The following ADAMTS17 variants were observed in gnomAD, a reference collection of about 807,000 sequenced individuals.
ADAMTS17 encodes A disintegrin and metalloproteinase with thrombospondin motifs 17.
In ADAMTS17, 113 loss-of-function variants were observed where a neutral mutation model predicts 141.5. The ratio of observed to expected loss-of-function variants is 0.80; its 90% CI spans 0.69 to 0.93. The LOEUF is 0.93. Among genes scored for constraint, ADAMTS17 ranks in the 40% least tolerant of loss-of-function variants. The pLI is 0.00. For missense variants in ADAMTS17, 1,659 were observed against 1,517.9 expected, an observed-to-expected ratio of 1.09 and a Z score of -1.54; for synonymous variants, 768 against 630.6, an observed-to-expected ratio of 1.22 and a Z score of -3.27.
chr15:99,985,832 A>G lies in ADAMTS17; in HGVS notation c.2949+7216T>C, dbSNP rs566108296. Among the ~76,000 whole-genome samples the G allele has an allele frequency of 2.0e-5, 3 of 152,324 alleles. No homozygotes were observed. The East Asian group carries it at 5.8e-4, about 29-fold the overall frequency. On this transcript the variant is annotated intron_variant, in intron 20 of 21. Coordinates refer to ENST00000268070, the MANE Select transcript of ADAMTS17 (RefSeq NM_139057.4). ...CTTTGTAAATTCTAAAGCAACGGCA[A>G]ATGTCACGGGCCAATATCACTGATC...
At chr15:100,334,680 C>T (rs117116642) in intron 2 of ADAMTS17, among the ~76,000 whole-genome samples, 3,528 of 152,306 alleles carry the variant, frequency 0.023, 62 homozygotes, top group Admixed American at 0.054. Context: ...AACCTGCACC[C>T]CTTCTGAGGC....
At chr15:100,278,205 A>G (rs2044162757) in intron 4 of ADAMTS17, among the ~76,000 whole-genome samples, 1 of 152,084 alleles carries the variant, frequency 6.6e-6, no homozygotes, top group East Asian at 1.9e-4. Flanking sequence ...ACAGTGAAAA[A>G]GTTCTGGAGG....
chr15:100,237,583 G>C (rs374914048), intron 7 of ADAMTS17, among the ~76,000 whole-genome samples: 1 of 152,214 alleles, frequency 6.6e-6, no homozygotes, highest in African/African-American at 2.4e-5. Context: ...AGACACTGCT[G>C]TCTCAATACA....
chr15:100,303,574 A>G (rs2045118032), intron 3 of ADAMTS17, among the ~76,000 whole-genome samples: 1 of 152,082 alleles, frequency 6.6e-6, no homozygotes, highest in Non-Finnish European at 1.5e-5. Flanking sequence ...GTTTGCTTCT[A>G]AGACTCTGAT....
At position 100,132,042 on chromosome 15, in the gene ADAMTS17, T is replaced by A. The variant is rs1018778966; in HGVS notation, c.1686A>T (p.Gly562=). 3 of 1,613,880 alleles carry A rather than the reference T, an allele frequency of 1.9e-6. No homozygotes were observed. Among genetic ancestry groups the A allele is most frequent in the Non-Finnish European group, 1.7e-6 (2 of 1,179,806 alleles). The change falls in exon 12 of 22, where the codon GGA becomes GGT. Residue 562 remains glycine (G), a synonymous_variant. Transcript: ENST00000268070. ...WSMCSRTCGT[G]ARFRQRKCDN... is the part of the protein sequence containing the mutation. ...CACATTTCCTCTGCCTGAAGCGGGC[T>A]CCCGTCCCACATGTTCGGCTGCACA...
In ADAMTS17 at chr15:100,103,655, T is replaced by A. The variant is rs543093271; in HGVS notation, c.2016+5334A>T. Among the ~76,000 whole-genome samples the A allele has an allele frequency of 4.6e-5, 7 of 152,242 alleles. No individual in the cohort carries two copies. In the South Asian group the frequency reaches 1.5e-3, roughly 32 times the overall value. On this transcript the variant is annotated intron_variant, in intron 14 of 21. Transcript: ENST00000268070. ...GTGCACTGGTGCGATCTTGGCTCAC[T>A]GCAACCTCCACTGCCCGGGTTCAAG...
chr15:100,320,868 C>G (rs1392274327), intron 3 of ADAMTS17, among the ~76,000 whole-genome samples: 1 of 152,094 alleles, frequency 6.6e-6, no homozygotes, highest in African/African-American at 2.4e-5. Context: ...AAAATAAAGA[C>G]AGTTTGGACA....
intron 18 of ADAMTS17, among the ~76,000 whole-genome samples, chr15:100,022,962 C>A (rs1414770967): frequency 2.7e-5 from 4 of 147,492 alleles, no homozygotes; most frequent in Non-Finnish European, 5.9e-5. Flanking sequence ...GATCTGTTTT[C>A]ACCGGAGCAC....
At chr15:100,220,428 G>T (rs1018870099) in intron 7 of ADAMTS17, among the ~76,000 whole-genome samples, 1 of 152,164 alleles carries the variant, frequency 6.6e-6, no homozygotes. Flanking sequence ...AGAAATAACA[G>T]TAACATGATC....
chr15:100,051,994 C>G (rs995953696), intron 16 of ADAMTS17, among the ~76,000 whole-genome samples: 1 of 152,206 alleles, frequency 6.6e-6, no homozygotes, highest in Non-Finnish European at 1.5e-5. Flanking sequence ...CCAGCTTAGA[C>G]TAGGAGCTTT....
At chr15:100,096,856 T>C (rs2035792603) in intron 14 of ADAMTS17, among the ~76,000 whole-genome samples, 3 of 152,322 alleles carry the variant, frequency 2.0e-5, no homozygotes, top group Admixed American at 1.3e-4. Context: ...CAATTTCTCA[T>C]GATGGGGGTT....
At chr15:100,064,853 T>C (rs2033399800) in intron 15 of ADAMTS17, among the ~76,000 whole-genome samples, 1 of 152,178 alleles carries the variant, frequency 6.6e-6, no homozygotes, top group African/African-American at 2.4e-5. Flanking sequence ...TAATTTTGGT[T>C]TGATTTTTAT....
intron 12 of ADAMTS17, among the ~76,000 whole-genome samples, chr15:100,121,642 C>T (rs943931917): frequency 2.6e-5 from 4 of 151,902 alleles, no homozygotes; most frequent in Admixed American, 1.3e-4. Flanking sequence ...CCCAGATAAA[C>T]AAAAAATGGA....
intron 19 of ADAMTS17, among the ~76,000 whole-genome samples, chr15:99,995,141 G>GGCACT (rs1166216132): frequency 1.3e-5 from 2 of 152,280 alleles, no homozygotes; most frequent in East Asian, 1.9e-4. Context: ...GGAGGCCCGG[G>GGCACT]GCACTGCACT....
In ADAMTS17 at chr15:99,973,937, C is replaced by T. The variant is rs886050967; in HGVS notation, c.*465G>A. The T allele has an allele frequency of 4.6e-5, 11 of 241,312 alleles. No individual in the cohort carries two copies. In the East Asian group the frequency reaches 1.1e-3, roughly 24 times the overall value. The allele number at this position is 241,312 out of a possible 1,614,324, so 14.9% of individuals were successfully genotyped here. Reference sequence around the variant, plus strand: ...AGCCCGGCCCTCCCCAGAGAAGCCACGGGCAGAGGCTCACCAACACCTGCC... The same window carrying T: ...AGCCCGGCCCTCCCCAGAGAAGCCATGGGCAGAGGCTCACCAACACCTGCC... On this transcript the variant is annotated 3_prime_UTR_variant, in exon 22 of 22. Transcript: ENST00000268070.
At chr15:99,983,666 C>T (rs111834911) in intron 20 of ADAMTS17, among the ~76,000 whole-genome samples, 5 of 152,260 alleles carry the variant, frequency 3.3e-5, no homozygotes, top group African/African-American at 1.2e-4. Context: ...GGCAGGGCTG[C>T]CCCCCACTGT....
rs904518858 is a variant in ADAMTS17 at position 100,281,552 on chromosome 15, T to A, written c.617-151A>T. 20 of 1,070,972 alleles carry A rather than the reference T, an allele frequency of 1.9e-5. No individual in the cohort carries two copies. In the African/African-American group the frequency reaches 2.8e-4, roughly 15 times the overall value. 66.3% of individuals were successfully genotyped at this position (1,070,972 alleles called of 1,614,324 possible). A position where few individuals can be genotyped will look rare whatever the true frequency, so the allele number is the denominator to read the frequency against. On this transcript the variant is annotated intron_variant, in intron 3 of 21. Transcript: ENST00000268070. ...GCACCCAGCAATCTCCACCGTCATG[T>A]GGGTGCCCCGAGTTCACTCACGTAG...
At chr15:100,075,119 A>G (rs560508535) in intron 15 of ADAMTS17, among the ~76,000 whole-genome samples, 1 of 152,128 alleles carries the variant, frequency 6.6e-6, no homozygotes, top group African/African-American at 2.4e-5. Flanking sequence ...TTGTCCCTGG[A>G]TATTACAAAA....
chr15:100,223,638 G>A (rs1367821229), intron 7 of ADAMTS17, among the ~76,000 whole-genome samples: 1 of 151,560 alleles, frequency 6.6e-6, no homozygotes, highest in Non-Finnish European at 1.5e-5. Flanking sequence ...GGTTTTCTTA[G>A]AGAGATAGAA....
Sources: allele counts gnomAD v4.1 joint callset (sites outside exome capture counted in the v4.1 genomes callset), GRCh38; gene constraint gnomAD v4.1.1; transcripts MANE v1.5; gene names NCBI Gene and HGNC (gene_info 2026-07-23, HGNC 2026-07-21).